FRMPD4: variants seen among roughly 807,000 people sequenced by gnomAD.
The protein encoded by FRMPD4 is FERM and PDZ domain containing 4, also known as FERM and PDZ domain-containing protein 4.
A neutral mutation model predicts 94.1 loss-of-function variants in FRMPD4; 22 were observed. The ratio of observed to expected loss-of-function variants is 0.23; its 90% CI spans 0.17 to 0.33. The LOEUF (loss-of-function observed/expected upper bound fraction) is 0.33, where lower values mean the gene tolerates loss of function less well. Among genes scored for constraint, FRMPD4 ranks in the 10% least tolerant of loss-of-function variants. The probability of loss-of-function intolerance (pLI) is 1.00; values close to 1 mark genes in which losing one functional copy is unlikely to be tolerated. For missense variants in FRMPD4, 1,111 were observed against 1,339.9 expected (o/e 0.83, Z 2.67); for synonymous variants, 631 against 548.6 (o/e 1.15, Z -2.10).
rs1012197846 is a variant in FRMPD4, at chrX:12,159,282, C to T, written c.41+20270C>T. ...AGTGGATGAGAAGGCTCACATGTCACTTCTGCTCACATCCCTTAGTGAGAA... is the reference window on the plus strand; with the variant it reads ...AGTGGATGAGAAGGCTCACATGTCATTTCTGCTCACATCCCTTAGTGAGAA... On this transcript the variant is annotated intron_variant, in intron 1 of 16. Coordinates refer to ENST00000675598, the MANE Select transcript of FRMPD4 (RefSeq NM_001368397.1). 1.8e-5 allele frequency among the ~76,000 whole-genome samples: 2 copies of T among 112,222 alleles called. 1 individual carries two copies. The highest frequency in any genetic ancestry group is 6.5e-5 in the African/African-American group (2 of 30,905).
chrX:12,192,714 A>G (rs1926180031), intron 1 of FRMPD4, among the ~76,000 whole-genome samples: 1 of 111,727 alleles, frequency 9.0e-6, no homozygotes, highest in South Asian at 3.7e-4. Flanking sequence ...CATCAGAATC[A>G]CTTGGAAGGC....
chrX:12,416,635 G>A (rs2056805079), intron 1 of FRMPD4, among the ~76,000 whole-genome samples: 1 of 112,129 alleles, frequency 8.9e-6, no homozygotes, highest in Non-Finnish European at 1.9e-5. Flanking sequence ...TCGTGTGGTC[G>A]AAGGATATTT....
chrX:11,908,187 A>G (rs2053978056), intron 3 of FRMPD4, among the ~76,000 whole-genome samples: 1 of 110,661 alleles, frequency 9.0e-6, no homozygotes, highest in South Asian at 3.8e-4. Flanking sequence ...GTCACTTTCA[A>G]AGTTTAGGCG....
chrX:12,718,359 C>T lies in FRMPD4; in HGVS notation c.3533C>T (p.Ser1178Phe), dbSNP rs2042146460. The change falls in exon 16 of 17, where the codon TCC (serine) becomes TTC (phenylalanine). Residue 1178 changes from serine (S) to phenylalanine (F), a missense_variant. This residue lies in a region of FRMPD4 where 551 missense variants were observed against 591.6 expected (regional missense o/e 0.93). Transcript: ENST00000675598. ...GACTCGTCCACCTGCGACCATCCTT[C>T]CAAGCTTCCTGAGGCTGATGAGAGT... ...DADSSTCDHP[S>F]KLPEADESVA... The T allele has an allele frequency of 1.7e-6, 2 of 1,210,357 alleles. No individual in the cohort carries two copies. The highest frequency in any genetic ancestry group is 2.2e-5 in the Admixed American group (1 of 45,903).
intron 1 of FRMPD4, among the ~76,000 whole-genome samples, chrX:12,349,041 C>G (rs2055759588): frequency 9.0e-6 from 1 of 111,448 alleles, no homozygotes; most frequent in African/African-American, 3.3e-5. Context: ...ATGGGAAACG[C>G]CCAGCAAGTG....
At chrX:12,519,484 G>C (rs182729962) in intron 2 of FRMPD4, among the ~76,000 whole-genome samples, 74 of 111,995 alleles carry the variant, frequency 6.6e-4, no homozygotes, top group Non-Finnish European at 1.2e-3. Context: ...CATTGGATTT[G>C]ACAATGATTT....
intron 3 of FRMPD4, among the ~76,000 whole-genome samples, chrX:11,965,051 G>A (rs1185205041): frequency 8.9e-6 from 1 of 112,277 alleles, no homozygotes; most frequent in East Asian, 2.8e-4. Flanking sequence ...GATTACATTA[G>A]GCTCACTTGG....
At chrX:12,371,719 A>G (rs2056166007) in intron 1 of FRMPD4, among the ~76,000 whole-genome samples, 1 of 111,820 alleles carries the variant, frequency 8.9e-6, no homozygotes, top group Non-Finnish European at 1.9e-5. Flanking sequence ...CATGAGATTA[A>G]TAAATATGCC....
chrX:12,184,530 A>G (rs1049542515), intron 1 of FRMPD4, among the ~76,000 whole-genome samples: 2 of 112,285 alleles, frequency 1.8e-5, no homozygotes, highest in African/African-American at 6.5e-5. Context: ...TCTTTTCCAC[A>G]TGAGCCAAAG....
At chrX:11,933,667 A>G (rs2054134367) in intron 3 of FRMPD4, among the ~76,000 whole-genome samples, 1 of 112,526 alleles carries the variant, frequency 8.9e-6, no homozygotes, top group South Asian at 3.7e-4. Flanking sequence ...TCATTCCCAA[A>G]TGGGGAGAAT....
intron 3 of FRMPD4, among the ~76,000 whole-genome samples, chrX:11,951,514 T>C (rs2054223220): frequency 8.9e-6 from 1 of 111,814 alleles, no homozygotes; most frequent in Admixed American, 9.5e-5. Flanking sequence ...TATCACATAT[T>C]CTCACTTATA....
At chrX:12,672,344 T>C (rs2059852476) in intron 4 of FRMPD4, among the ~76,000 whole-genome samples, 1 of 111,835 alleles carries the variant, frequency 8.9e-6, no homozygotes, top group African/African-American at 3.3e-5. Flanking sequence ...TTCTGTATAT[T>C]TCTGCGAAGG....
chrX:12,696,054 C>T (rs1376787279), intron 9 of FRMPD4, among the ~76,000 whole-genome samples: 1 of 112,749 alleles, frequency 8.9e-6, no homozygotes, highest in Non-Finnish European at 1.9e-5. Context: ...TTATTCTTAT[C>T]TGAATCCATT....
At chrX:11,854,599 G>A (rs1305941405) in intron 1 of FRMPD4, among the ~76,000 whole-genome samples, 2 of 112,343 alleles carry the variant, frequency 1.8e-5, no homozygotes, top group East Asian at 5.6e-4. Context: ...AAACAAAGGG[G>A]CTACAAGCCC....
intron 3 of FRMPD4, among the ~76,000 whole-genome samples, chrX:12,045,179 C>G (rs778239424): frequency 6.8e-4 from 76 of 112,127 alleles, no homozygotes; most frequent in African/African-American, 2.4e-3. Context: ...CCGTGGGTTG[C>G]TTTCGTGCTA....
chrX:12,453,212 GGA>G (rs199725600), intron 1 of FRMPD4, among the ~76,000 whole-genome samples: 2,775 of 111,097 alleles, frequency 0.025, 105 homozygotes, highest in African/African-American at 0.086. Context: ...AGCAAATAAA[GGA>G]GAGAATTACG....
intron 1 of FRMPD4, among the ~76,000 whole-genome samples, chrX:12,338,679 C>T (rs763134135): frequency 8.9e-6 from 1 of 112,685 alleles, no homozygotes; most frequent in East Asian, 2.8e-4. Context: ...CTGTCAAATA[C>T]GTACTACCTG....
intron 1 of FRMPD4, among the ~76,000 whole-genome samples, chrX:12,328,528 G>A (rs991669897): frequency 8.9e-6 from 1 of 112,231 alleles, no homozygotes; most frequent in Middle Eastern, 4.2e-3. Context: ...GATAATAGTT[G>A]ATGTTTTAAG....
At chrX:12,560,800 C>A (rs1378118517) in intron 2 of FRMPD4, among the ~76,000 whole-genome samples, 2 of 68,949 alleles carry the variant, frequency 2.9e-5, no homozygotes, top group African/African-American at 1.2e-4. Context: ...GACGGAGTCT[C>A]GCTCTGTCGC....
Sources: allele counts gnomAD v4.1 joint callset (sites outside exome capture counted in the v4.1 genomes callset), GRCh38; gene constraint gnomAD v4.1.1; regional missense constraint gnomAD v4.1.1; transcripts MANE v1.5; gene names NCBI Gene and HGNC (gene_info 2026-07-23, HGNC 2026-07-21).